The following CMYA5 variants were observed in gnomAD, a reference collection of about 807,000 sequenced individuals.
The protein encoded by CMYA5 is cardiomyopathy associated 5, also known as cardiomyopathy-associated protein 5.
In CMYA5, 246 loss-of-function variants were observed where a neutral mutation model predicts 318.9. The ratio of observed to expected loss-of-function variants is 0.77; its 90% CI spans 0.70 to 0.86. The LOEUF (loss-of-function observed/expected upper bound fraction) is 0.86. CMYA5 is among the 40% of genes least tolerant of loss of function. CMYA5 has a pLI of 0.00. For synonymous variants in CMYA5, 1,641 were observed against 1,729.5 expected, an observed-to-expected ratio of 0.95 and a Z score of 1.27; for missense variants, 4,589 against 4,678.2, an observed-to-expected ratio of 0.98 and a Z score of 0.56.
chr5:79,751,782 G>A (rs1006086710), intron 5 of CMYA5, among the ~76,000 whole-genome samples: 3 of 151,746 alleles, frequency 2.0e-5, no homozygotes, highest in Non-Finnish European at 4.4e-5. Context: ...GCTGTGATAA[G>A]TCTGGGGAAA....
intron 5 of CMYA5, among the ~76,000 whole-genome samples, chr5:79,749,204 A>G (rs947063232): frequency 1.3e-5 from 2 of 152,212 alleles, no homozygotes; most frequent in African/African-American, 4.8e-5. Context: ...TGGGCTAACC[A>G]TTATTTTCCT....
At chr5:79,704,692 G>A (rs1011303801) in intron 1 of CMYA5, among the ~76,000 whole-genome samples, 5 of 150,712 alleles carry the variant, frequency 3.3e-5, no homozygotes, top group African/African-American at 4.9e-5. Context: ...AGAGAGAGAG[G>A]GAGAGAAAGA....
At chr5:79,776,202 G>GC (rs1222236423) in intron 9 of CMYA5, among the ~76,000 whole-genome samples, 2 of 152,070 alleles carry the variant, frequency 1.3e-5, no homozygotes, top group Non-Finnish European at 2.9e-5. Context: ...TGGCCATTCA[G>GC]CCCCCATGTT....
chr5:79,723,399 A>G (rs1827680828), intron 1 of CMYA5, among the ~76,000 whole-genome samples: 1 of 148,442 alleles, frequency 6.7e-6, no homozygotes, highest in South Asian at 2.1e-4. Flanking sequence ...AGAAAACACC[A>G]CTGCACTTCA....
chr5:79,744,133 C>G (rs542956284), intron 3 of CMYA5, among the ~76,000 whole-genome samples: 2 of 152,106 alleles, frequency 1.3e-5, no homozygotes, highest in Non-Finnish European at 2.9e-5. Flanking sequence ...AAAGATTTGC[C>G]GGTAACGACA....
intron 1 of CMYA5, among the ~76,000 whole-genome samples, chr5:79,728,331 TTC>T (rs201035079): frequency 0.08 from 11,366 of 142,398 alleles, 758 homozygotes; most frequent in East Asian, 0.39. Flanking sequence ...TTTTTTTTTT[TTC>T]TTCTGTGGAT....
In CMYA5 at chr5:79,739,278, A is replaced by G. The variant is rs756200577; in HGVS notation, c.10513A>G (p.Lys3505Glu). ...AACTGAAAAGGCACAAAAAGAGCTGAAAAAGTCCCAGATTGACACATACTG... is the reference window on the plus strand; with the variant it reads ...AACTGAAAAGGCACAAAAAGAGCTGGAAAAGTCCCAGATTGACACATACTG... The part of the protein sequence containing the change: ...VVTEKAQKEL[K>E]KSQIDTYCYT... Residue 3505 changes from lysine (K) to glutamate (E), a missense_variant, in exon 2 of 13, where the codon AAA (lysine) becomes GAA (glutamate). By Grantham distance (56) the Lys-to-Glu change is moderately conservative. Around this residue, in one of 3 missense-constraint regions of CMYA5, gnomAD observed 2,431 missense variants for 2,495.1 expected, o/e 0.97. Coordinates refer to ENST00000446378, the MANE Select transcript of CMYA5 (RefSeq NM_153610.5). 2 of 1,609,966 alleles carry G rather than the reference A, an allele frequency of 1.2e-6. No individual in the cohort carries two copies. The highest frequency in any genetic ancestry group is 2.2e-5 in the South Asian group (2 of 89,906).
At chr5:79,740,066 A>C (rs990542957) in intron 2 of CMYA5, among the ~76,000 whole-genome samples, 1 of 152,194 alleles carries the variant, frequency 6.6e-6, no homozygotes, top group African/African-American at 2.4e-5. Flanking sequence ...AACTATTTAC[A>C]TAGCATTTAT....
intron 1 of CMYA5, among the ~76,000 whole-genome samples, chr5:79,693,336 A>ATTTTTTTT (rs11319092): frequency 2.2e-5 from 3 of 135,634 alleles, no homozygotes; most frequent in Non-Finnish European, 1.6e-5. Flanking sequence ...AAGTCACACA[A>ATTTTTTTT]TTTTTTTTTT....
Position 79,737,097 on chromosome 5 carries a change from A to T in CMYA5, c.8332A>T (p.Thr2778Ser). Residue 2778 changes from threonine (T) to serine (S), a missense_variant, in exon 2 of 13, where the codon ACA (threonine) becomes TCA (serine). Thr to Ser is a moderately conservative substitution (Grantham distance 58, BLOSUM62 1). This residue lies in a region of CMYA5 where 2,431 missense variants were observed against 2,495.1 expected (regional missense o/e 0.97). Transcript: ENST00000446378. ...ELWKGGSVDI[T>S]KESMKEGFPS... ...ATGGAAAGGTGGTTCAGTAGATATC[A>T]CAAAAGAAAGTATGAAAGAAGGATT... 1.9e-6 allele frequency: 3 copies of T among 1,613,662 alleles called. No homozygotes were observed. The highest frequency in any genetic ancestry group is 2.5e-6 in the Non-Finnish European group (3 of 1,179,766).
At chr5:79,790,570 G>A (rs978605972) in intron 10 of CMYA5, among the ~76,000 whole-genome samples, 1 of 152,084 alleles carries the variant, frequency 6.6e-6, no homozygotes, top group African/African-American at 2.4e-5. Context: ...CACCCGGCCT[G>A]TATCCCCCAA....
rs900405885 is a variant in CMYA5, at chr5:79,736,682, T to G, written c.7917T>G (p.Ala2639=). ...AAACCAAGACTTTCCTGCCGGTGGC[T>G]CTTTCTTGTCGTGATGAAATAGAGA... ...VEKTKTFLPV[A]LSCRDEIENH... The change falls in exon 2 of 13, where the codon GCT becomes GCG. Residue 2639 remains alanine (A), a synonymous_variant. Coordinates refer to ENST00000446378, the MANE Select transcript of CMYA5 (RefSeq NM_153610.5). The G allele has an allele frequency of 4.3e-6, 7 of 1,613,536 alleles. No homozygotes were observed. The highest frequency in any genetic ancestry group is 2.2e-5 in the East Asian group (1 of 44,860).
In CMYA5 at chr5:79,726,909, A is replaced by ATTTTTTTTTTTTTTTTTTTTT. The variant is rs34198193; in HGVS notation, c.150-2003_150-1983dup. 5.1e-4 allele frequency among the ~76,000 whole-genome samples: 49 copies of ATTTTTTTTTTTTTTTTTTTTT among 96,032 alleles called. 3 individuals are homozygous for ATTTTTTTTTTTTTTTTTTTTT. The highest frequency in any genetic ancestry group is 2.8e-3 in the East Asian group (7 of 2,486). The allele number at this position is 96,032 out of a possible 152,430, so 63.0% of individuals were successfully genotyped here. A position where few individuals can be genotyped will look rare whatever the true frequency, so the allele number is the denominator to read the frequency against. On this transcript the variant is annotated intron_variant, in intron 1 of 12. Transcript: ENST00000446378. ...AGAGCTAGGATTGTTTAGGCCAGTG[A>ATTTTTTTTTTTTTTTTTTTTT]TTTTTTTTTTTTTTTTTTTTTTTGA...
chr5:79,696,960 C>T (rs1239496203), intron 1 of CMYA5, among the ~76,000 whole-genome samples: 1 of 151,944 alleles, frequency 6.6e-6, no homozygotes, highest in Non-Finnish European at 1.5e-5. Context: ...TGAGTTGAGA[C>T]CATGCCATTG....
chr5:79,766,313 G>A (rs1237865425), intron 9 of CMYA5, among the ~76,000 whole-genome samples: 2 of 152,198 alleles, frequency 1.3e-5, no homozygotes, highest in African/African-American at 2.4e-5. Context: ...ATGTTAGCCA[G>A]GATGGTCTCA....
rs1484823295 is a variant in CMYA5 at position 79,778,912 on chromosome 5, A to T, written c.11556-10059A>T. 2.0e-3 allele frequency among the ~76,000 whole-genome samples: 165 copies of T among 83,052 alleles called. 1 individual carries two copies. Among genetic ancestry groups the T allele is most frequent in the Non-Finnish European group, 2.2e-3 (97 of 44,252 alleles). The allele number at this position is 83,052 out of a possible 152,430, so 54.5% of individuals were successfully genotyped here. On this transcript the variant is annotated intron_variant, in intron 9 of 12. Transcript: ENST00000446378. The stretch of plus-strand genomic sequence containing the variant: ...TTTATTTATTTTTATTTTTTTTTTT[A>T]ATTTTTTTTTTTTATTATACTCTAA...
At chr5:79,785,336 G>C (rs1182180311) in intron 9 of CMYA5, among the ~76,000 whole-genome samples, 3 of 151,790 alleles carry the variant, frequency 2.0e-5, no homozygotes, top group Non-Finnish European at 4.4e-5. Context: ...GCCTGCTCCT[G>C]ACTATTTGTT....
At chr5:79,694,819 CCTT>C (rs752046875) in intron 1 of CMYA5, among the ~76,000 whole-genome samples, 6 of 152,110 alleles carry the variant, frequency 3.9e-5, no homozygotes, top group Non-Finnish European at 8.8e-5. Flanking sequence ...TTTGAGCCAG[CCTT>C]CTTCTGAGGT....
intron 7 of CMYA5, 34 bp from the exon 8 acceptor site, chr5:79,761,777 A>G: frequency 6.3e-7 from 1 of 1,585,436 alleles, no homozygotes; most frequent in East Asian, 2.2e-5. Flanking sequence ...TAACTTTGGA[A>G]GATGTCTTCG....
Sources: allele counts gnomAD v4.1 joint callset (sites outside exome capture counted in the v4.1 genomes callset), GRCh38; gene constraint gnomAD v4.1.1; regional missense constraint gnomAD v4.1.1; transcripts MANE v1.5; gene names NCBI Gene and HGNC (gene_info 2026-07-23, HGNC 2026-07-21).